CHRNB4: variants seen among roughly 807,000 people sequenced by gnomAD.
CHRNB4 encodes cholinergic receptor nicotinic beta 4 subunit.
Under a neutral mutation model 40.4 loss-of-function variants are expected in CHRNB4, and 23 were observed. The observed-to-expected ratio is 0.57, with a 90% CI of 0.41 to 0.81. The LOEUF (loss-of-function observed/expected upper bound fraction) is 0.81, where lower values mean the gene tolerates loss of function less well. CHRNB4 is among the 30% of genes least tolerant of loss of function. The probability of loss-of-function intolerance (pLI) is 0.00; values close to 1 mark genes in which losing one functional copy is unlikely to be tolerated. For missense variants in CHRNB4, 568 were observed against 670.6 expected, an observed-to-expected ratio of 0.85 and a Z score of 1.69; for synonymous variants, 285 against 274.4, an observed-to-expected ratio of 1.04 and a Z score of -0.38.
intron 5 of CHRNB4, chr15:78,628,198 C>G (rs1284280183): frequency 6.6e-6 from 1 of 152,146 alleles, no homozygotes; most frequent in Non-Finnish European, 1.5e-5. Context: ...ATCTGTAATT[C>G]TAGTTAGCAC....
At chr15:78,650,326 G>A (rs910098454) in intron 6 of CHRNB4, among the ~76,000 whole-genome samples, 1 of 152,230 alleles carries the variant, frequency 6.6e-6, no homozygotes, top group African/African-American at 2.4e-5. Flanking sequence ...AATGACAGCA[G>A]GAGTCAGAGC....
chr15:78,630,075 C>A, intron 4 of CHRNB4, 130 bp from the exon 5 acceptor site: 2 of 1,029,234 alleles, frequency 1.9e-6, no homozygotes, highest in Admixed American at 3.4e-5. Flanking sequence ...CAGGCCCTCA[C>A]TGAAAGGAGG....
chr15:78,649,233 T>C lies in CHRNB4; in HGVS notation c.46+146A>G, dbSNP rs780614224. The C allele has an allele frequency of 2.4e-5, 6 of 255,256 alleles. No homozygotes were observed. The Middle Eastern group carries it at 2.2e-3, about 93-fold the overall frequency. 15.8% of individuals were successfully genotyped at this position (255,256 alleles called of 1,614,324 possible). A position where few individuals can be genotyped will look rare whatever the true frequency, so the allele number is the denominator to read the frequency against. The stretch of plus-strand genomic sequence containing the variant: ...TAAAGTCAAAGATGCTTCCGTCCAA[T>C]GCCTAGCCCTTCCATTTCTCGGTGT... On this transcript the variant is annotated intron_variant and NMD_transcript_variant, in intron 7 of 11. Coordinates refer to the CHRNB4 transcript ENST00000559849.
At chr15:78,625,622 G>T (rs764339493) in intron 5 of CHRNB4, among the ~76,000 whole-genome samples, 1 of 152,230 alleles carries the variant, frequency 6.6e-6, no homozygotes. Flanking sequence ...AGGAGATAGG[G>T]CCTGAGGATC....
intron 2 of CHRNB4, among the ~76,000 whole-genome samples, chr15:78,632,209 CTTT>C: frequency 1.2e-5 from 1 of 84,758 alleles, no homozygotes; most frequent in African/African-American, 8.5e-5. Context: ...TTCTTTCTTT[CTTT>C]CTCTTTCTCT....
At position 78,624,826 on chromosome 15, in the gene CHRNB4, G is replaced by T; in HGVS notation, c.*307C>A. On this transcript the variant is annotated 3_prime_UTR_variant, in exon 6 of 6. Coordinates refer to ENST00000261751, the MANE Select transcript of CHRNB4 (RefSeq NM_000750.5). Reference sequence around the variant, plus strand: ...GGAGAGGCAGGCCGGCACCATGCCTGAAGCATAGTAGGTGCTGCTACGAAG... The same window carrying T: ...GGAGAGGCAGGCCGGCACCATGCCTTAAGCATAGTAGGTGCTGCTACGAAG... 1.3e-6 allele frequency: 1 copy of T among 763,942 alleles called. No individual in the cohort carries two copies. The highest frequency in any genetic ancestry group is 1.7e-5 in the African/African-American group (1 of 57,212). The allele number at this position is 763,942 out of a possible 1,614,324, so 47.3% of individuals were successfully genotyped here.
intron 5 of CHRNB4, among the ~76,000 whole-genome samples, chr15:78,653,870 A>C (rs2054192320): frequency 6.6e-6 from 1 of 151,992 alleles, no homozygotes; most frequent in African/African-American, 2.4e-5. Flanking sequence ...ACTGGTCCCC[A>C]CTGAACCCTC....
intron 1 of CHRNB4, among the ~76,000 whole-genome samples, chr15:78,637,927 G>T (rs893851759): frequency 1.3e-5 from 2 of 152,182 alleles, no homozygotes; most frequent in Non-Finnish European, 2.9e-5. Flanking sequence ...GAGGCCAGCT[G>T]CTTGAGTACC....
At chr15:78,652,153 G>A (rs1367400189) in intron 6 of CHRNB4, among the ~76,000 whole-genome samples, 2 of 152,230 alleles carry the variant, frequency 1.3e-5, no homozygotes, top group Non-Finnish European at 2.9e-5. Context: ...TGCAGCAGGA[G>A]GTGGAGCAGT....
At chr15:78,655,669 T>G (rs577182121) in intron 4 of CHRNB4, 2 of 152,042 alleles carry the variant, frequency 1.3e-5, no homozygotes, top group South Asian at 4.1e-4. Context: ...AGACCCTGTT[T>G]CAAAAACAAA....
rs575099196 is a variant in CHRNB4 at position 78,629,482 on chromosome 15, T to A, written c.823A>T (p.Thr275Ser). The A allele has an allele frequency of 6.2e-7, 1 of 1,614,096 alleles. No individual in the cohort carries two copies. Among genetic ancestry groups the A allele is most frequent in the African/African-American group, 1.3e-5 (1 of 75,012 alleles). The change falls in exon 5 of 6, where the codon ACA (threonine) becomes TCA (serine). Residue 275 changes from threonine (T) to serine (S), a missense_variant. By Grantham distance (58) the Thr-to-Ser change is moderately conservative (BLOSUM62 1). Around this residue, in one of 4 missense-constraint regions of CHRNB4, gnomAD observed 38 missense variants for 80.3 expected, o/e 0.47. Transcript: ENST00000261751. The surrounding 1 kb of genome is among the most constrained non-coding windows in gnomAD (Gnocchi z 6.8). The part of the protein sequence containing the change: ...TLCISVLLAL[T>S]FFLLLISKIV... ...TTGGAGATGAGCAGCAGGAAGAATG[T>A]CAGTGCCAGCAGCACTGAGATGCAC...
intron 5 of CHRNB4, 33 bp downstream of exon 5, chr15:78,628,934 G>C (rs758091366): frequency 4.6e-5 from 73 of 1,582,492 alleles, no homozygotes; most frequent in Non-Finnish European, 8.6e-7. Context: ...CCTTTCTGTT[G>C]GGCAGGTGGG....
chr15:78,632,116 C>T (rs1270711793), intron 2 of CHRNB4, among the ~76,000 whole-genome samples: 2 of 151,772 alleles, frequency 1.3e-5, no homozygotes, highest in Non-Finnish European at 2.9e-5. Context: ...CACCTCGGTC[C>T]CTGCCCTGCC....
At chr15:78,630,271 T>C (rs1381461027) in intron 4 of CHRNB4, among the ~76,000 whole-genome samples, 1 of 152,038 alleles carries the variant, frequency 6.6e-6, no homozygotes, top group African/African-American at 2.4e-5. Flanking sequence ...CCCAAGTAGC[T>C]GGGATTACAG....
In CHRNB4 at chr15:78,631,104, A is replaced by G. The variant is rs747045440; in HGVS notation, c.331T>C (p.Trp111Arg). ...TTGTAAAGCACGATGTCAGGCAACC[A>G]GATGCGCTTTGCAGGGATCCTCAGG... is the stretch of plus-strand genomic sequence containing the variant. ...NILRIPAKRIWLPDIVLYNNA... is the reference protein window; with the variant it reads ...NILRIPAKRIRLPDIVLYNNA... The change falls in exon 4 of 6, where the codon TGG becomes CGG. Residue 111 changes from tryptophan (W) to arginine (R), a missense_variant. Trp to Arg is a moderately radical substitution (Grantham distance 101). Transcript: ENST00000261751. 6.2e-7 allele frequency: 1 copy of G among 1,614,216 alleles called. No individual in the cohort carries two copies. Among genetic ancestry groups the G allele is most frequent in the Non-Finnish European group, 8.5e-7 (1 of 1,180,020 alleles).
intron 2 of CHRNB4, among the ~76,000 whole-genome samples, chr15:78,633,047 T>A (rs942696402): frequency 6.6e-6 from 1 of 152,232 alleles, no homozygotes; most frequent in Non-Finnish European, 1.5e-5. Flanking sequence ...CTTGCCAGGT[T>A]TCCCAGCCTC....
At chr15:78,638,716 C>T (rs999879700) in intron 1 of CHRNB4, among the ~76,000 whole-genome samples, 4 of 152,206 alleles carry the variant, frequency 2.6e-5, no homozygotes, top group Non-Finnish European at 4.4e-5. Context: ...AAAGGGGCGA[C>T]GGAGCCCAGC....
upstream of CHRNB4, among the ~76,000 whole-genome samples, chr15:78,642,538 G>C (rs1299567609): frequency 1.3e-5 from 2 of 152,158 alleles, no homozygotes; most frequent in African/African-American, 2.4e-5. Flanking sequence ...GTACTTGAAA[G>C]GATGCTGGGA....
At chr15:78,644,656 C>T (rs1024209504), upstream of CHRNB4, among the ~76,000 whole-genome samples, 3 of 152,202 alleles carry the variant, frequency 2.0e-5, no homozygotes, top group Non-Finnish European at 4.4e-5. Context: ...TCAGGAAGAG[C>T]TGACTAAATT....
Sources: gnomAD v4.1 joint callset for allele counts (sites outside exome capture counted in the v4.1 genomes callset) on GRCh38, gnomAD v4.1.1 for gene constraint, gnomAD v4.1.1 regional missense constraint, Gnocchi (gnomAD v3.1) non-coding constraint, MANE v1.5 for transcripts, NCBI Gene and HGNC (gene_info 2026-07-23, HGNC 2026-07-21) for gene names.